EIF5A: variants seen among roughly 807,000 people sequenced by gnomAD.
The protein encoded by EIF5A is eukaryotic translation initiation factor 5A-1.
In EIF5A, 1 loss-of-function variant was observed where a neutral mutation model predicts 16.6. The observed-to-expected ratio is 0.06, with a 90% CI of 0.02 to 0.28. The LOEUF is 0.28. Among genes scored for constraint, EIF5A ranks in the 10% least tolerant of loss-of-function variants. EIF5A has a pLI of 1.00. For missense variants in EIF5A, 29 were observed against 196.1 expected, an observed-to-expected ratio of 0.15 and a Z score of 5.09; for synonymous variants, 80 against 73.6, an observed-to-expected ratio of 1.09 and a Z score of -0.44.
chr17:7,307,300 A>G (rs1277699779), upstream of EIF5A: 2 of 1,194,190 alleles, frequency 1.7e-6, no homozygotes, highest in African/African-American at 1.5e-5. Context: ...CGTTTCCTTT[A>G]GAGGGTGTGG....
chr17:7,309,106 G>T (rs1332089544), intron 1 of EIF5A, among the ~76,000 whole-genome samples: 2 of 151,146 alleles, frequency 1.3e-5, no homozygotes, highest in African/African-American at 2.4e-5. Flanking sequence ...GTTTCCTGTA[G>T]CAGTGACTGG....
At chr17:7,309,557 GATTGGAGGTCCTGTT>G in intron 1 of EIF5A, 43 bp from the exon 2 acceptor site, 1 of 1,602,274 alleles carries the variant, frequency 6.2e-7, no homozygotes, top group Admixed American at 1.7e-5. Context: ...AAATGGGATA[GATTGGAGGTCCTGTT>G]GACCTCCATG....
At chr17:7,310,193 C>A (rs527538051) in intron 2 of EIF5A, 3 of 1,292,296 alleles carry the variant, frequency 2.3e-6, no homozygotes, top group Non-Finnish European at 3.0e-6. Context: ...TCCAATTCTA[C>A]GCCTTCCCCT....
chr17:7,307,184 C>G, upstream of EIF5A: 1 of 1,482,880 alleles, frequency 6.7e-7, no homozygotes. Context: ...CTAGACGAGA[C>G]AAGTGATCTA....
intron 1 of EIF5A, chr17:7,308,088 G>A: frequency 2.0e-6 from 2 of 989,318 alleles, no homozygotes; most frequent in South Asian, 4.1e-5. Context: ...GGCCGTTGAG[G>A]ACCCGGCTCA....
intron 1 of EIF5A, 100 bp from the exon 2 acceptor site, chr17:7,309,515 G>A: frequency 6.7e-7 from 1 of 1,487,362 alleles, no homozygotes; most frequent in Non-Finnish European, 9.1e-7. Context: ...GTGGGTAATG[G>A]AATAAAGAGT....
chr17:7,310,379 C>T, intron 2 of EIF5A: 1 of 1,198,652 alleles, frequency 8.3e-7, no homozygotes, highest in Non-Finnish European at 1.1e-6. Flanking sequence ...TTCTTGCTAG[C>T]ACTTCCCTCA....
Position 7,310,438 on chromosome 17 carries a change from T to C in EIF5A, c.166-580T>C, listed in dbSNP as rs1003961560. 139 of 1,177,406 alleles carry C rather than the reference T, an allele frequency of 1.2e-4. 1 individual carries two copies. The African/African-American group carries it at 2.2e-3, about 18-fold the overall frequency. 72.9% of individuals were successfully genotyped at this position (1,177,406 alleles called of 1,614,324 possible). On this transcript the variant is annotated intron_variant, in intron 2 of 5. Coordinates refer to ENST00000336458, the MANE Select transcript of EIF5A (RefSeq NM_001970.5). ...TTTAGAATTTCAACCTGATTCGTTC[T>C]TGTTGAATTTCTTGTGGTGTTTTTC...
chr17:7,310,096 C>A, intron 2 of EIF5A: 1 of 1,385,010 alleles, frequency 7.2e-7, no homozygotes, highest in Non-Finnish European at 9.5e-7. Context: ...TATTCAGTTG[C>A]TCCTTCCTTA....
chr17:7,310,827 G>GT, intron 2 of EIF5A, 191 bp from the exon 3 acceptor site: 2 of 985,332 alleles, frequency 2.0e-6, no homozygotes, highest in Non-Finnish European at 2.4e-6. Context: ...CTCAACGGTG[G>GT]TTTTTTAGCC....
chr17:7,307,823 G>T, intron 1 of EIF5A, 71 bp downstream of exon 1: 2 of 987,530 alleles, frequency 2.0e-6, no homozygotes, highest in Non-Finnish European at 2.4e-6. Flanking sequence ...CTGCGCGGGG[G>T]TCGGGGAGGG....
intron 2 of EIF5A, chr17:7,310,396 C>T: frequency 2.5e-6 from 3 of 1,188,318 alleles, no homozygotes; most frequent in Non-Finnish European, 3.2e-6. Flanking sequence ...CTCATCACCT[C>T]AGACTTTTCC....
intron 2 of EIF5A, 111 bp downstream of exon 2, chr17:7,309,911 C>G (rs755822103): frequency 6.2e-6 from 10 of 1,606,872 alleles, no homozygotes; most frequent in South Asian, 4.5e-5. Context: ...CTTTTACTGT[C>G]TGATTGTTTT....
chr17:7,310,030 T>C (rs1283178982), intron 2 of EIF5A: 2 of 1,504,864 alleles, frequency 1.3e-6, no homozygotes, highest in East Asian at 5.3e-5. Flanking sequence ...TGGCAGTCCC[T>C]CCGTTTCTCC....
intron 1 of EIF5A, 190 bp downstream of exon 1, chr17:7,307,942 G>T (rs906554617): frequency 7.9e-5 from 78 of 984,918 alleles, no homozygotes; most frequent in Non-Finnish European, 8.7e-5. Context: ...GACGGTTGGG[G>T]TTGGCCCGGT....
At position 7,312,349 on chromosome 17, in the gene EIF5A, G is replaced by A. The variant is rs905417486; in HGVS notation, c.*539G>A. 5.1e-6 allele frequency: 1 copy of A among 196,688 alleles called. No individual in the cohort carries two copies. The highest frequency in any genetic ancestry group is 5.6e-5 in the Admixed American group (1 of 17,900). 12.2% of individuals were successfully genotyped at this position (196,688 alleles called of 1,614,324 possible). ...GGGAGGGGACCTGCCCCCTCCTCAG[G>A]CATCTGGGAGGGCCCTGCCCCCATG... On this transcript the variant is annotated 3_prime_UTR_variant, in exon 6 of 6. Transcript: ENST00000336458.
chr17:7,307,365 C>T, upstream of EIF5A: 1 of 1,242,994 alleles, frequency 8.0e-7, no homozygotes, highest in South Asian at 2.7e-5. Flanking sequence ...GACGAGCGGT[C>T]TATCAAGGGG....
intron 2 of EIF5A, 195 bp from the exon 3 acceptor site, chr17:7,310,823 G>A (rs757074176): frequency 1.5e-5 from 15 of 985,208 alleles, no homozygotes; most frequent in Non-Finnish European, 1.8e-5. Context: ...CAATCTCAAC[G>A]GTGGTTTTTT....
chr17:7,307,348 C>G (rs144202413), upstream of EIF5A: 17 of 1,230,092 alleles, frequency 1.4e-5, no homozygotes, highest in African/African-American at 2.6e-4. Context: ...CAAGGACTGC[C>G]CGGTAGGACG....
Sources: allele counts gnomAD v4.1 joint callset (sites outside exome capture counted in the v4.1 genomes callset), GRCh38; gene constraint gnomAD v4.1.1; transcripts MANE v1.5; gene names NCBI Gene and HGNC (gene_info 2026-07-23, HGNC 2026-07-21).